The following CDH11 variants were observed in gnomAD, a reference collection of about 807,000 sequenced individuals.
The protein encoded by CDH11 is cadherin 11.
CDH11 carries 11 observed loss-of-function variants against 67.8 expected under a neutral mutation model. The observed-to-expected ratio is 0.16, with a 90% CI of 0.10 to 0.27. CDH11 has a LOEUF of 0.27. Ranked by LOEUF, CDH11 falls within the 10% of genes least tolerant of loss-of-function variation. The pLI, the probability that CDH11 is intolerant of heterozygous loss-of-function variation, is 1.00. For synonymous variants in CDH11, 419 were observed against 400.0 expected, an observed-to-expected ratio of 1.05 and a Z score of -0.57; for missense variants, 847 against 1,031.2, an observed-to-expected ratio of 0.82 and a Z score of 2.45.
chr16:65,021,600 T>A (rs1323709088), intron 2 of CDH11, among the ~76,000 whole-genome samples: 1 of 147,806 alleles, frequency 6.8e-6, no homozygotes, highest in Non-Finnish European at 1.5e-5. Flanking sequence ...TAGTTATCCA[T>A]GTTTAATTAA....
At chr16:65,033,379 T>G (rs1037978183) in intron 2 of CDH11, among the ~76,000 whole-genome samples, 10 of 152,152 alleles carry the variant, frequency 6.6e-5, no homozygotes, top group African/African-American at 2.4e-4. Flanking sequence ...CTCTTTAGAT[T>G]TATTCAGAAT....
intron 1 of CDH11, among the ~76,000 whole-genome samples, chr16:65,086,975 C>T (rs1034288128): frequency 4.6e-5 from 7 of 152,026 alleles, no homozygotes; most frequent in African/African-American, 9.7e-5. Context: ...GTCAAATATT[C>T]GACTTTAGGG....
chr16:65,047,546 T>A (rs1327558729), intron 2 of CDH11, among the ~76,000 whole-genome samples: 1 of 151,926 alleles, frequency 6.6e-6, no homozygotes, highest in Non-Finnish European at 1.5e-5. Context: ...GAGACGGGAT[T>A]TCACCATGTT....
intron 1 of CDH11, among the ~76,000 whole-genome samples, chr16:65,078,083 C>T (rs2074546657): frequency 6.6e-6 from 1 of 152,172 alleles, no homozygotes; most frequent in Non-Finnish European, 1.5e-5. Flanking sequence ...AGGTACATTG[C>T]CACTGAAAGC....
intron 1 of CDH11, among the ~76,000 whole-genome samples, chr16:65,078,827 C>A (rs2074560174): frequency 6.6e-6 from 1 of 152,086 alleles, no homozygotes; most frequent in Admixed American, 6.6e-5. Context: ...CAACTAATGC[C>A]ATTTGGGGTA....
chr16:65,065,805 A>C (rs1436946562), intron 1 of CDH11, among the ~76,000 whole-genome samples: 1 of 152,218 alleles, frequency 6.6e-6, no homozygotes, highest in African/African-American at 2.4e-5. Flanking sequence ...GGGCCTGCTC[A>C]TGCCACTCTC....
Position 64,944,222 on chromosome 16 carries a change from C to T in CDH11, c.*3381G>A. 1 of 233,142 alleles carries T rather than the reference C, an allele frequency of 4.3e-6. No individual in the cohort carries two copies. The highest frequency in any genetic ancestry group is 8.5e-6 in the Non-Finnish European group (1 of 118,040). 14.4% of individuals were successfully genotyped at this position (233,142 alleles called of 1,614,324 possible). ...TTGTGTGTTAAAAGTATCCCTCTGG[C>T]TTCTTTGTGAAGAGGAGGTTGGGAG... On this transcript the variant is annotated 3_prime_UTR_variant, in exon 13 of 13. Transcript: ENST00000268603.
chr16:64,989,010 G>A (rs537851291), intron 6 of CDH11, among the ~76,000 whole-genome samples: 1 of 152,198 alleles, frequency 6.6e-6, no homozygotes, highest in Non-Finnish European at 1.5e-5. Context: ...CTGTCCTAGT[G>A]CCAGGACACT....
intron 12 of CDH11, among the ~76,000 whole-genome samples, chr16:64,949,846 G>A (rs2071309002): frequency 6.6e-6 from 1 of 152,156 alleles, no homozygotes; most frequent in South Asian, 2.1e-4. Context: ...GTCGAGCACA[G>A]AGATCTCATA....
At chr16:65,114,016 A>C (rs768045081) in intron 1 of CDH11, among the ~76,000 whole-genome samples, 3 of 152,186 alleles carry the variant, frequency 2.0e-5, no homozygotes, top group Non-Finnish European at 4.4e-5. Context: ...AAAAGGAAAA[A>C]GTGAAGGGGG....
rs551511694 is a variant in CDH11 at position 65,079,202 on chromosome 16, T to C, written c.-297-25274A>G. Among the ~76,000 whole-genome samples, 27 of 152,264 alleles carry C rather than the reference T, an allele frequency of 1.8e-4. No homozygotes were observed. The South Asian group carries it at 5.4e-3, about 30-fold the overall frequency. ...TTGCAATCTAAGTAGTGACTACTAG[T>C]AGACAGATGGGACGGAACACTTGCT... On this transcript the variant is annotated intron_variant, in intron 1 of 12. Coordinates refer to ENST00000268603, the MANE Select transcript of CDH11 (RefSeq NM_001797.4).
chr16:64,969,426 G>T (rs2071939158), intron 11 of CDH11, among the ~76,000 whole-genome samples: 3 of 152,164 alleles, frequency 2.0e-5, no homozygotes, highest in Admixed American at 2.0e-4. Flanking sequence ...CATCAACACA[G>T]ATAGAAGATT....
At chr16:64,975,327 G>A (rs758680700) in intron 8 of CDH11, among the ~76,000 whole-genome samples, 1 of 152,146 alleles carries the variant, frequency 6.6e-6, no homozygotes, top group Non-Finnish European at 1.5e-5. Context: ...ATCATGGAAG[G>A]CTTTGAGCAG....
At chr16:65,073,888 G>A (rs1386466558) in intron 1 of CDH11, among the ~76,000 whole-genome samples, 1 of 152,146 alleles carries the variant, frequency 6.6e-6, no homozygotes, top group East Asian at 1.9e-4. Flanking sequence ...GAGAAGCAAG[G>A]CCTTGCAGAA....
At chr16:65,091,411 A>G (rs1393733643) in intron 1 of CDH11, among the ~76,000 whole-genome samples, 1 of 152,172 alleles carries the variant, frequency 6.6e-6, no homozygotes, top group South Asian at 2.1e-4. Context: ...TTCCATTTGA[A>G]CACTCATTTT....
At chr16:64,983,601 G>A (rs909133843) in intron 7 of CDH11, among the ~76,000 whole-genome samples, 1 of 152,144 alleles carries the variant, frequency 6.6e-6, no homozygotes, top group Non-Finnish European at 1.5e-5. Context: ...GGTTAAGCAA[G>A]TTCAATATCC....
rs143790236 is a variant in CDH11, at chr16:64,983,805, T to C, written c.1000-1504A>G. Among the ~76,000 whole-genome samples the C allele has an allele frequency of 7.6e-3, 1,153 of 152,312 alleles. 15 individuals are homozygous for C. Among genetic ancestry groups the C allele is most frequent in the African/African-American group, 0.027 (1,118 of 41,564 alleles). On this transcript the variant is annotated intron_variant, in intron 7 of 12. Transcript: ENST00000268603. ...GAACATACAAGATTGCTGCAACTTC[T>C]AAAAAATCCTTTCAAATATTAGATA... is the stretch of plus-strand genomic sequence containing the variant.
chr16:65,035,568 A>G (rs1248804302), intron 2 of CDH11, among the ~76,000 whole-genome samples: 1 of 152,202 alleles, frequency 6.6e-6, no homozygotes, highest in Non-Finnish European at 1.5e-5. Flanking sequence ...TATATACTTA[A>G]AAAGGCATAA....
chr16:65,035,564 C>T (rs960212934), intron 2 of CDH11, among the ~76,000 whole-genome samples: 5 of 152,192 alleles, frequency 3.3e-5, no homozygotes, highest in African/African-American at 1.2e-4. Context: ...TAGCTATATA[C>T]TTAAAAAGGC....
Sources: allele counts gnomAD v4.1 joint callset (sites outside exome capture counted in the v4.1 genomes callset), GRCh38; gene constraint gnomAD v4.1.1; transcripts MANE v1.5; gene names NCBI Gene and HGNC (gene_info 2026-07-23, HGNC 2026-07-21).